Variants in CDH18 observed in about 807,000 individuals in gnomAD.
CDH18 encodes cadherin-18.
CDH18 carries 31 observed loss-of-function variants against 67.9 expected under a neutral mutation model. The ratio of observed to expected loss-of-function variants is 0.46; its 90% CI spans 0.34 to 0.62. CDH18 has a LOEUF of 0.62. Ranked by LOEUF, CDH18 falls within the 20% of genes least tolerant of loss-of-function variation. CDH18 has a pLI of 0.01. For missense variants in CDH18, 890 were observed against 975.5 expected (o/e 0.91, Z 1.17); for synonymous variants, 362 against 347.2 (o/e 1.04, Z -0.48).
intron 2 of CDH18, among the ~76,000 whole-genome samples, chr5:20,073,616 C>T (rs141932420): frequency 0.035 from 5,365 of 151,788 alleles, 313 homozygotes; most frequent in African/African-American, 0.12. Flanking sequence ...AGAGAGAGGC[C>T]GGTACATCAA....
At chr5:20,080,175 T>A (rs1744326477) in intron 2 of CDH18, among the ~76,000 whole-genome samples, 1 of 152,196 alleles carries the variant, frequency 6.6e-6, no homozygotes. Context: ...GTCCTCTATA[T>A]TGTGGTCTTT....
At chr5:19,658,834 G>C (rs1756773188) in intron 5 of CDH18, among the ~76,000 whole-genome samples, 1 of 151,886 alleles carries the variant, frequency 6.6e-6, no homozygotes, top group Admixed American at 6.6e-5. Context: ...CCTGGTGTGT[G>C]ATGTTCTCCT....
chr5:19,978,530 T>G (rs1229401974), intron 2 of CDH18, among the ~76,000 whole-genome samples: 2 of 152,150 alleles, frequency 1.3e-5, no homozygotes, highest in Non-Finnish European at 2.9e-5. Flanking sequence ...AATTTAGTGC[T>G]TTAAAAAAAC....
At chr5:19,751,342 G>A (rs1366132699) in intron 3 of CDH18, among the ~76,000 whole-genome samples, 1 of 152,092 alleles carries the variant, frequency 6.6e-6, no homozygotes, top group Non-Finnish European at 1.5e-5. Context: ...AAAAAGATAG[G>A]TCATTGACTT....
chr5:20,409,247 T>C (rs1365188037), intron 1 of CDH18, among the ~76,000 whole-genome samples: 1 of 151,794 alleles, frequency 6.6e-6, no homozygotes, highest in Non-Finnish European at 1.5e-5. Context: ...CACGAAACAT[T>C]CTTCAAGATA....
rs977338919 is a variant in CDH18, at chr5:19,766,524, T to C, written c.229-19288A>G. On this transcript the variant is annotated intron_variant, in intron 3 of 12. Coordinates refer to ENST00000382275, the MANE Select transcript of CDH18 (RefSeq NM_004934.5). Reference sequence around the variant, plus strand: ...ACCTCTGTTCCTGTTCATCTCTCCATCCAGTCCATTCACCCTGCTTGTCAA... The same window carrying C: ...ACCTCTGTTCCTGTTCATCTCTCCACCCAGTCCATTCACCCTGCTTGTCAA... Among the ~76,000 whole-genome samples, 4 of 152,152 alleles carry C rather than the reference T, an allele frequency of 2.6e-5. No homozygotes were observed. The South Asian group carries it at 6.2e-4, about 24-fold the overall frequency.
At chr5:20,436,197 A>G (rs759121789) in intron 1 of CDH18, among the ~76,000 whole-genome samples, 1 of 152,010 alleles carries the variant, frequency 6.6e-6, no homozygotes. Flanking sequence ...ATTTCACCCT[A>G]CTTCCAGATA....
intron 1 of CDH18, among the ~76,000 whole-genome samples, chr5:20,569,386 G>A (rs1044077314): frequency 6.6e-6 from 1 of 152,156 alleles, no homozygotes; most frequent in African/African-American, 2.4e-5. Context: ...ACTTTGGAAG[G>A]CCACGGCGGG....
chr5:20,092,506 TGTAA>T (rs1464239534), intron 2 of CDH18, among the ~76,000 whole-genome samples: 4 of 152,204 alleles, frequency 2.6e-5, no homozygotes, highest in African/African-American at 4.8e-5. Flanking sequence ...TAAAAGTAAT[TGTAA>T]GTGTTTTAGC....
At chr5:19,809,041 C>T (rs2149885327) in intron 3 of CDH18, among the ~76,000 whole-genome samples, 1 of 151,900 alleles carries the variant, frequency 6.6e-6, no homozygotes, top group East Asian at 1.9e-4. Flanking sequence ...TTATTTAATA[C>T]AAATCTTGCT....
chr5:19,584,615 G>T (rs1030392912), intron 7 of CDH18, among the ~76,000 whole-genome samples: 3 of 151,520 alleles, frequency 2.0e-5, no homozygotes, highest in African/African-American at 7.3e-5. Flanking sequence ...AATGCAACAT[G>T]TACATACCTC....
intron 1 of CDH18, among the ~76,000 whole-genome samples, chr5:20,407,732 T>TA (rs1562040724): frequency 0.011 from 500 of 44,814 alleles, 6 homozygotes; most frequent in African/African-American, 0.022. Flanking sequence ...ATTTTTTTTT[T>TA]TAAAAAACTT....
intron 1 of CDH18, among the ~76,000 whole-genome samples, chr5:20,357,865 A>G (rs998024766): frequency 3.3e-5 from 5 of 152,164 alleles, no homozygotes; most frequent in Admixed American, 6.6e-5. Flanking sequence ...CTGCAGCACT[A>G]TTTGCAATAG....
intron 5 of CDH18, among the ~76,000 whole-genome samples, chr5:19,694,277 C>T (rs983386737): frequency 6.6e-6 from 1 of 152,074 alleles, no homozygotes; most frequent in Non-Finnish European, 1.5e-5. Flanking sequence ...CTGTTTTGAG[C>T]ATTGGTTACT....
chr5:19,482,959 A>G (rs1381017415), intron 12 of CDH18, among the ~76,000 whole-genome samples: 1 of 152,146 alleles, frequency 6.6e-6, no homozygotes, highest in East Asian at 1.9e-4. Context: ...GGTCTTGGTC[A>G]GATTCATTTA....
At chr5:19,517,296 G>A (rs1746182321) in intron 10 of CDH18, among the ~76,000 whole-genome samples, 1 of 152,022 alleles carries the variant, frequency 6.6e-6, no homozygotes, top group South Asian at 2.1e-4. Flanking sequence ...GTCTGCTCTT[G>A]TATTTTGCCC....
intron 2 of CDH18, among the ~76,000 whole-genome samples, chr5:19,914,570 G>A (rs1301143057): frequency 1.3e-5 from 2 of 151,848 alleles, no homozygotes; most frequent in African/African-American, 4.8e-5. Flanking sequence ...ATATATGTAT[G>A]TGTGAGTGTA....
intron 3 of CDH18, among the ~76,000 whole-genome samples, chr5:19,799,744 C>T (rs553475167): frequency 1.3e-5 from 2 of 152,128 alleles, no homozygotes; most frequent in South Asian, 2.1e-4. Context: ...TAGCTAAAAT[C>T]GGTGACTAGT....
chr5:20,023,675 A>T (rs1361512020), intron 2 of CDH18, among the ~76,000 whole-genome samples: 1 of 151,932 alleles, frequency 6.6e-6, no homozygotes, highest in Admixed American at 6.6e-5. Flanking sequence ...AAAAAAAAAA[A>T]AAAGAAAGGT....
Sources: gnomAD v4.1 joint callset for allele counts (sites outside exome capture counted in the v4.1 genomes callset) on GRCh38, gnomAD v4.1.1 for gene constraint, MANE v1.5 for transcripts, NCBI Gene and HGNC (gene_info 2026-07-23, HGNC 2026-07-21) for gene names.